ABCC5: variants seen among roughly 807,000 people sequenced by gnomAD.
ABCC5 encodes the protein ATP binding cassette subfamily C member 5, also known as ATP-binding cassette sub-family C member 5.
Under a neutral mutation model 160.9 loss-of-function variants are expected in ABCC5, and 61 were observed. The observed-to-expected ratio is 0.38, with a 90% CI of 0.31 to 0.47. The LOEUF (loss-of-function observed/expected upper bound fraction) is 0.47. ABCC5 is among the 20% of genes least tolerant of loss of function. ABCC5 has a pLI of 0.99. For missense variants in ABCC5, 1,308 were observed against 1,813.3 expected (o/e 0.72, Z 5.06); for synonymous variants, 666 against 700.6 (o/e 0.95, Z 0.78).
Position 183,945,944 on chromosome 3 carries a change from T to C in ABCC5, c.3415-5A>G. Reference sequence around the variant, plus strand: ...AAACTGGAACAGCCCCGTTAACTGATAATGGAAAACAACAATCAAAGAGAT... The same window carrying C: ...AAACTGGAACAGCCCCGTTAACTGACAATGGAAAACAACAATCAAAGAGAT... On this transcript the variant is annotated splice_region_variant and splice_polypyrimidine_tract_variant and intron_variant, in intron 23 of 29. Transcript: ENST00000334444. 1.2e-6 allele frequency: 2 copies of C among 1,613,460 alleles called. No homozygotes were observed. Among genetic ancestry groups the C allele is most frequent in the Non-Finnish European group, 1.7e-6 (2 of 1,179,394 alleles).
intron 2 of ABCC5, among the ~76,000 whole-genome samples, chr3:183,996,646 T>C (rs1176634642): frequency 2.0e-5 from 3 of 152,186 alleles, no homozygotes; most frequent in Non-Finnish European, 4.4e-5. Flanking sequence ...CTCAGGGCTC[T>C]CCTGCTGCCT....
chr3:183,982,391 AT>A lies in ABCC5; in HGVS notation c.999+59del. 2 of 1,562,988 alleles carry A rather than the reference AT, an allele frequency of 1.3e-6. No homozygotes were observed. Among genetic ancestry groups the A allele is most frequent in the East Asian group, 2.3e-5 (1 of 44,396 alleles). On this transcript the variant is annotated intron_variant, in intron 7 of 29. Transcript: ENST00000334444. This position sits in a 1 kb window ranked among gnomAD's most constrained non-coding sequence, Gnocchi z 5.2. ...CCTCAGCAATGCCTACTATAACCCA[AT>A]GGAAGTAACTCATCTCCTAAGGAGA...
At chr3:183,970,608 C>G (rs977056608) in intron 11 of ABCC5, among the ~76,000 whole-genome samples, 4 of 152,090 alleles carry the variant, frequency 2.6e-5, no homozygotes, top group Non-Finnish European at 5.9e-5. Flanking sequence ...GGCTAATTTT[C>G]CTAGTTGTTG....
rs199667408 is a variant in ABCC5 at position 183,965,496 on chromosome 3, C to T, written c.1839G>A (p.Thr613=). Residue 613 remains threonine, a synonymous_variant, in exon 13 of 30, where the codon ACG becomes ACA. Transcript: ENST00000334444. Reference sequence around the variant, plus strand: ...TGATTGCAATGCTGCCCTCTAGAAGCGTCATCTAGGGAGAGAGACACCATC... The same window carrying T: ...TGATTGCAATGCTGCCCTCTAGAAGTGTCATCTAGGGAGAGAGACACCATC... ...SLISAILGQM[T]LLEGSIAISG... The T allele has an allele frequency of 2.4e-4, 385 of 1,613,564 alleles. No individual in the cohort carries two copies. Among genetic ancestry groups the T allele is most frequent in the Non-Finnish European group, 3.2e-4 (374 of 1,180,024 alleles).
chr3:183,983,767 C>T (rs1450007984), intron 5 of ABCC5: 32 of 985,366 alleles, frequency 3.2e-5, no homozygotes, highest in Non-Finnish European at 4.8e-6. Context: ...AAGGAATGTA[C>T]TTTTATTGAA....
At chr3:183,979,739 C>A (rs1276461256) in intron 8 of ABCC5, among the ~76,000 whole-genome samples, 1 of 152,056 alleles carries the variant, frequency 6.6e-6, no homozygotes, top group African/African-American at 2.4e-5. Context: ...CACTACCATG[C>A]CCAGTTATGT....
intron 5 of ABCC5, chr3:183,984,086 G>A: frequency 1.0e-6 from 1 of 985,354 alleles, no homozygotes; most frequent in Non-Finnish European, 1.2e-6. Context: ...TGCTGCTAAG[G>A]AAAGAGAATT....
chr3:183,972,792 G>A lies in ABCC5; in HGVS notation c.1405-873C>T, dbSNP rs1012432904. Among the ~76,000 whole-genome samples, 5 of 151,994 alleles carry A rather than the reference G, an allele frequency of 3.3e-5. No individual in the cohort carries two copies. In the South Asian group the frequency reaches 6.2e-4, roughly 19 times the overall value. On this transcript the variant is annotated intron_variant, in intron 10 of 29. Transcript: ENST00000334444. ...CCCAAGTAGCTGAAATTACAGGCAC[G>A]TGCCACCATGCCCGGCTAATTTTTG...
chr3:183,977,487 G>T, intron 10 of ABCC5, 30 bp downstream of exon 10: 2 of 1,528,180 alleles, frequency 1.3e-6, no homozygotes, highest in South Asian at 1.1e-5. Context: ...GAGGGCTCCT[G>T]ACACGGGGGC....
chr3:183,952,718 A>AT (rs1715494094), intron 18 of ABCC5, among the ~76,000 whole-genome samples: 1 of 152,076 alleles, frequency 6.6e-6, no homozygotes, highest in Non-Finnish European at 1.5e-5. Context: ...GCCTTCCACC[A>AT]TGATTGTAAG....
At chr3:183,964,405 T>G (rs1028220148) in intron 14 of ABCC5, among the ~76,000 whole-genome samples, 3 of 152,352 alleles carry the variant, frequency 2.0e-5, no homozygotes, top group Admixed American at 2.0e-4. Flanking sequence ...AAATATTCAA[T>G]TAATTCAGAG....
rs1484182432 is a variant in ABCC5 at position 184,017,692 on chromosome 3, C to T, written c.-56+138G>A. On this transcript the variant is annotated intron_variant, in intron 1 of 29. Coordinates refer to ENST00000334444, the MANE Select transcript of ABCC5 (RefSeq NM_005688.4). This position sits in a 1 kb window ranked among gnomAD's most constrained non-coding sequence, Gnocchi z 4.5. The stretch of plus-strand genomic sequence containing the variant: ...CAGGAGACCAGGGGGAGGCCATACG[C>T]CGTTCCCCAAGTCTCCAGTGTCCCC... The T allele has an allele frequency of 1.3e-5, 2 of 152,472 alleles. No individual in the cohort carries two copies. The highest frequency in any genetic ancestry group is 2.9e-5 in the Non-Finnish European group (2 of 68,260). 9.4% of individuals were successfully genotyped at this position (152,472 alleles called of 1,614,324 possible). A position where few individuals can be genotyped will look rare whatever the true frequency, so the allele number is the denominator to read the frequency against.
At position 183,921,229 on chromosome 3, in the gene ABCC5, C is replaced by G. The variant is rs944287777; in HGVS notation, c.*71G>C. On this transcript the variant is annotated 3_prime_UTR_variant, in exon 30 of 30. Transcript: ENST00000334444. The surrounding 1 kb of genome is among the most constrained non-coding windows in gnomAD (Gnocchi z 4.1). ...AAGGCAAGGTTTCGGTAGGAGGACG[C>G]GATGAGGGGCCCGCCCCAGGCAGGG... The G allele has an allele frequency of 2.4e-6, 2 of 842,366 alleles. No individual in the cohort carries two copies. Among genetic ancestry groups the G allele is most frequent in the African/African-American group, 3.5e-5 (2 of 57,662 alleles). 52.2% of individuals were successfully genotyped at this position (842,366 alleles called of 1,614,324 possible).
Position 183,949,708 on chromosome 3 carries a change from G to A in ABCC5, c.3227+45C>T. 6.2e-7 allele frequency: 1 copy of A among 1,605,318 alleles called. No homozygotes were observed. Among genetic ancestry groups the A allele is most frequent in the South Asian group, 1.1e-5 (1 of 90,206 alleles). ...CTCCCGGACAAGTATCAAACGCTGG[G>A]ATGCTGACTCCCCTTTGAGGCCTCT... On this transcript the variant is annotated intron_variant, in intron 22 of 29. Coordinates refer to ENST00000334444, the MANE Select transcript of ABCC5 (RefSeq NM_005688.4). This position sits in a 1 kb window ranked among gnomAD's most constrained non-coding sequence, Gnocchi z 4.2.
chr3:183,923,077 G>T (rs7646621), intron 29 of ABCC5, among the ~76,000 whole-genome samples: 77,003 of 151,870 alleles, frequency 0.51, 19,833 homozygotes, highest in African/African-American at 0.59. Flanking sequence ...CACAGCTGGG[G>T]TAAGTCAGTG....
At chr3:183,953,922 T>C (rs957543742) in intron 17 of ABCC5, among the ~76,000 whole-genome samples, 1 of 152,052 alleles carries the variant, frequency 6.6e-6, no homozygotes, top group African/African-American at 2.4e-5. Context: ...ACAAAGAACT[T>C]CTCAACAGAA....
At position 183,988,656 on chromosome 3, in the gene ABCC5, C is replaced by A. The variant is rs200810558; in HGVS notation, c.359G>T (p.Arg120Leu). Residue 120 changes from arginine to leucine, a missense_variant, in exon 4 of 30, where the codon CGT becomes CTT. By Grantham distance (102) the Arg-to-Leu change is moderately radical. Around this residue, in one of 3 missense-constraint regions of ABCC5, gnomAD observed 1,142 missense variants for 1,527.1 expected, o/e 0.75. Transcript: ENST00000334444. The surrounding 1 kb of genome is among the most constrained non-coding windows in gnomAD (Gnocchi z 4.4). ...MTFSWLSSLA[R>L]VAHKKGELSM... ...GAGCTCCCCCTTCTTGTGGGCCACA[C>A]GGGCCAGAGAAGAAAGCCACGAAAA... is the stretch of plus-strand genomic sequence containing the variant. The A allele has an allele frequency of 1.2e-6, 2 of 1,614,200 alleles. No individual in the cohort carries two copies. The highest frequency in any genetic ancestry group is 1.3e-5 in the African/African-American group (1 of 75,068).
intron 17 of ABCC5, among the ~76,000 whole-genome samples, chr3:183,959,080 C>CACACACGA (rs59779766): frequency 6.8e-6 from 1 of 147,072 alleles, no homozygotes; most frequent in African/African-American, 2.4e-5. Context: ...CACACACACA[C>CACACACGA]ACAGTGTTTG....
chr3:183,939,122 T>A lies in ABCC5; in HGVS notation c.3695-1062A>T, dbSNP rs79124442. On this transcript the variant is annotated intron_variant, in intron 25 of 29. Transcript: ENST00000334444. Reference sequence around the variant, plus strand: ...AGATCATATCAGAAATGCAATATTGTAATTGCTTTTTTCACTTAACACTGC... The same window carrying A: ...AGATCATATCAGAAATGCAATATTGAAATTGCTTTTTTCACTTAACACTGC... 7.4e-3 allele frequency among the ~76,000 whole-genome samples: 1,132 copies of A among 152,324 alleles called. 3 individuals carry two copies. The highest frequency in any genetic ancestry group is 0.011 in the Non-Finnish European group (760 of 68,038).
Sources: allele counts gnomAD v4.1 joint callset (sites outside exome capture counted in the v4.1 genomes callset), GRCh38; gene constraint gnomAD v4.1.1; regional missense constraint gnomAD v4.1.1; non-coding constraint Gnocchi (gnomAD v3.1); transcripts MANE v1.5; gene names NCBI Gene and HGNC (gene_info 2026-07-23, HGNC 2026-07-21).